The following TRPM3 variants were observed in gnomAD, a reference collection of about 807,000 sequenced individuals.
TRPM3 encodes transient receptor potential cation channel subfamily M member 3.
A neutral mutation model predicts 181.2 loss-of-function variants in TRPM3; 77 were observed. The observed-to-expected ratio is 0.42, with a 90% confidence interval of 0.35 to 0.51. The LOEUF is 0.51. TRPM3 is among the 20% of genes least tolerant of loss of function. TRPM3 has a pLI of 0.01. For missense variants in TRPM3, 1,759 were observed against 2,196.7 expected, an observed-to-expected ratio of 0.80 and a Z score of 3.98; for synonymous variants, 745 against 796.4, an observed-to-expected ratio of 0.94 and a Z score of 1.09.
At chr9:70,572,221 T>C (rs1042530752) in intron 22 of TRPM3, among the ~76,000 whole-genome samples, 1 of 152,196 alleles carries the variant, frequency 6.6e-6, no homozygotes, top group Non-Finnish European at 1.5e-5. Context: ...CCTATGCTTT[T>C]TGTCAAAAAC....
intron 1 of TRPM3, among the ~76,000 whole-genome samples, chr9:70,972,095 A>T (rs879326576): frequency 6.6e-6 from 1 of 152,200 alleles, no homozygotes; most frequent in Non-Finnish European, 1.5e-5. Context: ...ATATATCTAA[A>T]AGAACTGAAA....
intron 1 of TRPM3, among the ~76,000 whole-genome samples, chr9:71,181,732 T>C (rs10868969): frequency 0.28 from 42,018 of 151,988 alleles, 6,228 homozygotes; most frequent in East Asian, 0.36. Flanking sequence ...CTACTTTTCT[T>C]TTCTCGTTAT....
At chr9:70,959,327 A>G (rs932075793) in intron 1 of TRPM3, among the ~76,000 whole-genome samples, 6 of 152,076 alleles carry the variant, frequency 3.9e-5, no homozygotes, top group African/African-American at 1.4e-4. Flanking sequence ...CATGATAATA[A>G]TAATAATTAA....
chr9:70,644,946 C>G (rs61888670), intron 9 of TRPM3, among the ~76,000 whole-genome samples: 1 of 152,160 alleles, frequency 6.6e-6, no homozygotes, highest in Non-Finnish European at 1.5e-5. Context: ...CATGAGTGAA[C>G]TCCCATTCAC....
intron 1 of TRPM3, among the ~76,000 whole-genome samples, chr9:71,009,673 G>T (rs2097715564): frequency 6.6e-6 from 1 of 152,032 alleles, no homozygotes; most frequent in Admixed American, 6.6e-5. Flanking sequence ...GTGATGTACA[G>T]ATTTAATGCA....
intron 5 of TRPM3, among the ~76,000 whole-genome samples, chr9:70,829,676 C>T (rs1306226684): frequency 6.6e-6 from 1 of 152,072 alleles, no homozygotes; most frequent in African/African-American, 2.4e-5. Flanking sequence ...TTAGTTGGCT[C>T]TTATTGATAA....
chr9:71,162,378 A>G (rs2076325016), intron 1 of TRPM3, among the ~76,000 whole-genome samples: 1 of 152,112 alleles, frequency 6.6e-6, no homozygotes, highest in African/African-American at 2.4e-5. Flanking sequence ...CATGACAGAC[A>G]GGATATGACA....
intron 1 of TRPM3, among the ~76,000 whole-genome samples, chr9:71,424,655 A>G (rs1457016872): frequency 6.6e-6 from 1 of 151,988 alleles, no homozygotes; most frequent in Non-Finnish European, 1.5e-5. Context: ...GCCTTCTCTC[A>G]GTTTGTATTT....
chr9:71,196,557 C>A (rs1299588722), intron 1 of TRPM3, among the ~76,000 whole-genome samples: 4 of 151,750 alleles, frequency 2.6e-5, no homozygotes, highest in Admixed American at 6.6e-5. Context: ...CTACTTCTTC[C>A]CTGTGAATTG....
At chr9:70,915,762 T>A (rs2096588109) in intron 1 of TRPM3, among the ~76,000 whole-genome samples, 1 of 149,450 alleles carries the variant, frequency 6.7e-6, no homozygotes, top group South Asian at 2.1e-4. Context: ...AAAAGGCAAA[T>A]CTAAGAGTTA....
chr9:70,560,057 A>C (rs186645729), intron 22 of TRPM3, among the ~76,000 whole-genome samples: 2 of 152,288 alleles, frequency 1.3e-5, no homozygotes, highest in African/African-American at 4.8e-5. Context: ...TTTGGGAATA[A>C]ACATCTGTGG....
rs145416158 is a variant in TRPM3 at position 70,530,603 on chromosome 9, T to C, written c.*5350A>G. The C allele has an allele frequency of 6.6e-6, 1 of 152,348 alleles. No individual in the cohort carries two copies. The highest frequency in any genetic ancestry group is 1.5e-5 in the Non-Finnish European group (1 of 68,036). 9.4% of individuals were successfully genotyped at this position (152,348 alleles called of 1,614,324 possible). A position where few individuals can be genotyped will look rare whatever the true frequency, so the allele number is the denominator to read the frequency against. Reference sequence around the variant, plus strand: ...ATTACCTGGTCACCAAAATCCTCTCTTAGATGACCTGTAGAAACAGTCACG... The same window carrying C: ...ATTACCTGGTCACCAAAATCCTCTCCTAGATGACCTGTAGAAACAGTCACG... On this transcript the variant is annotated 3_prime_UTR_variant, in exon 26 of 26. Coordinates refer to ENST00000677713, the MANE Select transcript of TRPM3 (RefSeq NM_001366145.2).
chr9:70,620,206 A>G lies in TRPM3; in HGVS notation c.1999T>C (p.Phe667Leu). 1 of 1,614,260 alleles carries G rather than the reference A, an allele frequency of 6.2e-7. No homozygotes were observed. Among genetic ancestry groups the G allele is most frequent in the Non-Finnish European group, 8.5e-7 (1 of 1,180,044 alleles). ...LMKRQKMALFFWQHGEEAMAK... is the reference protein window; with the variant it reads ...LMKRQKMALFLWQHGEEAMAK... ...ATGGCCTCCTCACCGTGCTGCCAGA[A>G]GAACAGGGCCATCTTCTGCCGCTTC... is the stretch of plus-strand genomic sequence containing the variant. The change falls in exon 16 of 26, where the codon TTC becomes CTC. Residue 667 changes from phenylalanine to leucine, a missense_variant. Transcript: ENST00000677713.
At chr9:70,644,461 T>C (rs2058511756) in intron 9 of TRPM3, among the ~76,000 whole-genome samples, 1 of 152,156 alleles carries the variant, frequency 6.6e-6, no homozygotes, top group South Asian at 2.1e-4. Flanking sequence ...AAAAACCACA[T>C]GATTATCTCA....
intron 1 of TRPM3, among the ~76,000 whole-genome samples, chr9:70,944,759 G>A (rs1016155997): frequency 2.0e-5 from 3 of 151,862 alleles, no homozygotes; most frequent in Admixed American, 6.6e-5. Context: ...ATGGCCAGAA[G>A]GACAACATTT....
intron 8 of TRPM3, among the ~76,000 whole-genome samples, chr9:70,747,253 A>C (rs1259467204): frequency 1.3e-5 from 2 of 152,204 alleles, no homozygotes; most frequent in Admixed American, 1.3e-4. Flanking sequence ...AATGACAAGC[A>C]CAAGAAAGTT....
intron 7 of TRPM3, chr9:70,774,266 T>A: frequency 6.5e-6 from 1 of 154,092 alleles, no homozygotes; most frequent in Non-Finnish European, 1.5e-5. Flanking sequence ...CTCTTCAGCC[T>A]ATTCAATATG....
chr9:71,307,374 A>G (rs1204940146), intron 1 of TRPM3, among the ~76,000 whole-genome samples: 2 of 152,048 alleles, frequency 1.3e-5, no homozygotes, highest in Non-Finnish European at 2.9e-5. Flanking sequence ...AACAGTATTA[A>G]ATTTAGAATT....
rs537585508 is a variant in TRPM3, at chr9:70,620,426, T to C, written c.1840-61A>G. ...AAATGAATTGGTTCATTTCAGCAAG[T>C]AGCAGTTGTATATCTTCTCCCAGCT... On this transcript the variant is annotated intron_variant, in intron 15 of 25. Coordinates refer to ENST00000677713, the MANE Select transcript of TRPM3 (RefSeq NM_001366145.2). The C allele has an allele frequency of 4.7e-5, 72 of 1,525,734 alleles. No individual in the cohort carries two copies. The African/African-American group carries it at 8.9e-4, about 19-fold the overall frequency. 94.5% of individuals were successfully genotyped at this position (1,525,734 alleles called of 1,614,324 possible).
Sources: gnomAD v4.1 joint callset for allele counts (sites outside exome capture counted in the v4.1 genomes callset) on GRCh38, gnomAD v4.1.1 for gene constraint, MANE v1.5 for transcripts, NCBI Gene and HGNC (gene_info 2026-07-23, HGNC 2026-07-21) for gene names.